FAM120B: variants seen among roughly 807,000 people sequenced by gnomAD.
The protein encoded by FAM120B is family with sequence similarity 120 member B.
In FAM120B, 83 loss-of-function variants were observed where a neutral mutation model predicts 96.3. The observed-to-expected ratio is 0.86, with a 90% CI of 0.72 to 1.03. The LOEUF (loss-of-function observed/expected upper bound fraction) is 1.03, where lower values mean the gene tolerates loss of function less well. FAM120B is among the 50% of genes least tolerant of loss of function. The pLI is 0.00. For missense variants in FAM120B, 1,027 were observed against 1,121.2 expected (o/e 0.92, Z 1.20); for synonymous variants, 407 against 402.7 (o/e 1.01, Z -0.13).
rs1381060107 is a variant in FAM120B, at chr6:170,405,779, GTC to G, written c.*1030_*1031del. 6.6e-6 allele frequency: 1 copy of G among 152,216 alleles called. No individual in the cohort carries two copies. The highest frequency in any genetic ancestry group is 1.5e-5 in the Non-Finnish European group (1 of 68,044). The allele number at this position is 152,216 out of a possible 1,614,324, so 9.4% of individuals were successfully genotyped here. ...ATGACAGCATGTGTGTGACTCCTGT[GTC>G]TGTTTCTGTGGGGTCATCCCTTTCG... is the stretch of plus-strand genomic sequence containing the variant. On this transcript the variant is annotated 3_prime_UTR_variant, in exon 11 of 11. Coordinates refer to ENST00000476287, the MANE Select transcript of FAM120B (RefSeq NM_032448.3).
chr6:170,322,996 G>C (rs1371407103), intron 2 of FAM120B, 83 bp from the exon 3 acceptor site: 3 of 1,199,242 alleles, frequency 2.5e-6, no homozygotes, highest in Non-Finnish European at 3.4e-6. Context: ...ACTGGCATAT[G>C]ATGAAAGGCA....
At position 170,396,217 on chromosome 6, in the gene FAM120B, A is replaced by G. The variant is rs145135707; in HGVS notation, c.2692+638A>G. Among the ~76,000 whole-genome samples the G allele has an allele frequency of 2.3e-3, 343 of 152,348 alleles. 2 individuals are homozygous for G. The highest frequency in any genetic ancestry group is 0.014 in the Middle Eastern group (4 of 294). On this transcript the variant is annotated intron_variant, in intron 9 of 10. Coordinates refer to ENST00000476287, the MANE Select transcript of FAM120B (RefSeq NM_032448.3). Reference sequence around the variant, plus strand: ...TTGATTTATGATATCTGTGACTTTCACAACGTCTAAAATGTGTAGAGACTT... The same window carrying G: ...TTGATTTATGATATCTGTGACTTTCGCAACGTCTAAAATGTGTAGAGACTT...
chr6:170,374,911 A>G (rs1401932134), intron 6 of FAM120B, among the ~76,000 whole-genome samples: 1 of 152,168 alleles, frequency 6.6e-6, no homozygotes, highest in Non-Finnish European at 1.5e-5. Flanking sequence ...TTTCCATTAT[A>G]CTTTAATTTC....
intron 6 of FAM120B, among the ~76,000 whole-genome samples, chr6:170,368,514 A>T (rs889373067): frequency 6.6e-6 from 1 of 152,260 alleles, no homozygotes. Flanking sequence ...TTAAATCCCT[A>T]AGACAACCAT....
At chr6:170,382,771 A>G (rs1450972317) in intron 6 of FAM120B, among the ~76,000 whole-genome samples, 1 of 152,212 alleles carries the variant, frequency 6.6e-6, no homozygotes, top group Non-Finnish European at 1.5e-5. Flanking sequence ...CCAGCAAGGT[A>G]TTTTTTTGTA....
chr6:170,311,187 A>C (rs570332270), intron 1 of FAM120B, among the ~76,000 whole-genome samples: 1 of 152,340 alleles, frequency 6.6e-6, no homozygotes, highest in South Asian at 2.1e-4. Flanking sequence ...GAACATACGC[A>C]GAGCAGTGTT....
At chr6:170,347,423 T>A (rs1224976408) in intron 4 of FAM120B, among the ~76,000 whole-genome samples, 1 of 152,254 alleles carries the variant, frequency 6.6e-6, no homozygotes, top group Non-Finnish European at 1.5e-5. Context: ...TGAGTCGTCA[T>A]CATTTGTCGT....
At chr6:170,329,816 CTCT>C (rs1452330268) in intron 3 of FAM120B, among the ~76,000 whole-genome samples, 1 of 152,098 alleles carries the variant, frequency 6.6e-6, no homozygotes, top group Non-Finnish European at 1.5e-5. Flanking sequence ...GAAGTGTCCA[CTCT>C]TCTTCTCTTC....
At chr6:170,399,661 A>AGC (rs1554293090) in intron 9 of FAM120B, among the ~76,000 whole-genome samples, 26 of 86,580 alleles carry the variant, frequency 3.0e-4, no homozygotes, top group East Asian at 4.5e-4. Context: ...CTATGTCATA[A>AGC]CTTAGGAGTG....
intron 6 of FAM120B, among the ~76,000 whole-genome samples, chr6:170,382,673 T>C (rs1448614375): frequency 1.3e-5 from 2 of 152,186 alleles, no homozygotes; most frequent in Admixed American, 1.3e-4. Context: ...TGGAGACACA[T>C]ACCGTGTTCA....
intron 1 of FAM120B, among the ~76,000 whole-genome samples, chr6:170,311,537 C>T (rs1784594712): frequency 6.6e-6 from 1 of 152,212 alleles, no homozygotes; most frequent in African/African-American, 2.4e-5. Flanking sequence ...CCTCTGGCCA[C>T]ACCTGCCTGT....
rs1040055704 is a variant in FAM120B, at chr6:170,295,873, C to A, written c.48+420C>A. On this transcript the variant is annotated intron_variant, in intron 1 of 10. Transcript: ENST00000537664. This position sits in a 1 kb window ranked among gnomAD's most constrained non-coding sequence, Gnocchi z 7.8. ...CGTGGAGCCCGGGGCCGAGGCCAGG[C>A]CCGCTGCGAGCAGCGGAGGCATGTG... Among the ~76,000 whole-genome samples the A allele has an allele frequency of 6.6e-6, 1 of 152,080 alleles. No individual in the cohort carries two copies. The highest frequency in any genetic ancestry group is 1.5e-5 in the Non-Finnish European group (1 of 67,990).
chr6:170,335,617 G>A (rs1284949244), intron 4 of FAM120B, among the ~76,000 whole-genome samples: 1 of 152,156 alleles, frequency 6.6e-6, no homozygotes, highest in Admixed American at 6.5e-5. Context: ...CTAGACCCTT[G>A]AGGAATTGCT....
Position 170,391,060 on chromosome 6 carries a change from G to A in FAM120B, c.2538G>A (p.Lys846=). The A allele has an allele frequency of 6.2e-7, 1 of 1,614,208 alleles. No individual in the cohort carries two copies. Among genetic ancestry groups the A allele is most frequent in the Non-Finnish European group, 8.5e-7 (1 of 1,180,036 alleles). ...KFHNLKAVVC[K]ACMKENRRIT... is the part of the protein sequence containing the mutation. ...ACAACCTGAAGGCAGTCGTCTGCAA[G>A]GCCTGCATGAAGGAGAACAGACGCA... The change falls in exon 8 of 11, where the codon AAG becomes AAA. Residue 846 remains lysine, a synonymous_variant. Coordinates refer to ENST00000476287, the MANE Select transcript of FAM120B (RefSeq NM_032448.3).
At chr6:170,355,199 C>T (rs1186435208) in intron 5 of FAM120B, among the ~76,000 whole-genome samples, 1 of 151,988 alleles carries the variant, frequency 6.6e-6, no homozygotes, top group African/African-American at 2.4e-5. Flanking sequence ...ACTATTTGAC[C>T]CAGCAATCCC....
At chr6:170,291,141 C>A (rs1583159247), upstream of FAM120B, 1 of 526,564 alleles carries the variant, frequency 1.9e-6, no homozygotes, top group Admixed American at 2.3e-5. Context: ...CAGTCCTCCC[C>A]TGCCCCCGCC....
intron 6 of FAM120B, among the ~76,000 whole-genome samples, chr6:170,375,697 G>T (rs964952982): frequency 6.6e-6 from 1 of 152,174 alleles, no homozygotes; most frequent in East Asian, 1.9e-4. Context: ...ATGGCAAGGA[G>T]GTCCTTCAGA....
intron 3 of FAM120B, among the ~76,000 whole-genome samples, chr6:170,328,264 A>G (rs1278126557): frequency 2.0e-5 from 3 of 152,040 alleles, no homozygotes; most frequent in African/African-American, 7.3e-5. Flanking sequence ...GAAACTTTTA[A>G]TTTTTTTAAA....
intron 7 of FAM120B, among the ~76,000 whole-genome samples, chr6:170,388,874 A>G (rs1039296457): frequency 2.6e-5 from 4 of 152,246 alleles, no homozygotes. Flanking sequence ...GTTGACCAGA[A>G]GCCTTAACCA....
Sources: allele counts gnomAD v4.1 joint callset (sites outside exome capture counted in the v4.1 genomes callset), GRCh38; gene constraint gnomAD v4.1.1; non-coding constraint Gnocchi (gnomAD v3.1); transcripts MANE v1.5; gene names NCBI Gene and HGNC (gene_info 2026-07-23, HGNC 2026-07-21).